Variants in KIRREL1 observed in about 807,000 individuals in gnomAD.
KIRREL1 encodes the protein kirre like nephrin family adhesion molecule 1.
Under a neutral mutation model 83.3 loss-of-function variants are expected in KIRREL1, and 25 were observed. The ratio of observed to expected loss-of-function variants is 0.30; its 90% CI spans 0.22 to 0.42. KIRREL1 has a LOEUF of 0.42. KIRREL1 is among the 10% of genes least tolerant of loss of function. The pLI is 1.00. For missense variants in KIRREL1, 812 were observed against 1,032.3 expected, an observed-to-expected ratio of 0.79 and a Z score of 2.92; for synonymous variants, 388 against 410.4, an observed-to-expected ratio of 0.95 and a Z score of 0.66.
chr1:158,066,391 A>G (rs913555637), intron 1 of KIRREL1, among the ~76,000 whole-genome samples: 2 of 152,158 alleles, frequency 1.3e-5, no homozygotes, highest in African/African-American at 4.8e-5. Flanking sequence ...ACCTGACCTT[A>G]AAACAATCTT....
intron 3 of KIRREL1, among the ~76,000 whole-genome samples, chr1:158,080,916 A>AGAC (rs147260504): frequency 0.093 from 13,624 of 146,846 alleles, 1,545 homozygotes; most frequent in East Asian, 0.23. Flanking sequence ...GGGGACCCAG[A>AGAC]GACTAGGCAG....
At chr1:158,077,899 C>A in intron 2 of KIRREL1, 92 bp from the exon 3 acceptor site, 1 of 1,424,832 alleles carries the variant, frequency 7.0e-7, no homozygotes, top group Non-Finnish European at 9.8e-7. Context: ...CAGTGGTGTC[C>A]CAGGAGAGGG....
At chr1:158,044,844 TG>T (rs903553247) in intron 1 of KIRREL1, among the ~76,000 whole-genome samples, 3 of 152,236 alleles carry the variant, frequency 2.0e-5, no homozygotes, top group African/African-American at 7.2e-5. Flanking sequence ...ATATGGCTTC[TG>T]TCAGAGAGAG....
Position 157,993,688 on chromosome 1 carries a change from C to G in KIRREL1, c.12C>G (p.Leu4=). The change falls in exon 1 of 15, where the codon CTC becomes CTG. Residue 4 remains leucine, a synonymous_variant. Transcript: ENST00000359209. The stretch of plus-strand genomic sequence containing the variant: ...GGCGGGCGGACAGCATGCTGAGCCT[C>G]CTCGTCTGGATCCTCACTCTCTCCG... MLS[L]LVWILTLSDT... 1.3e-6 allele frequency: 2 copies of G among 1,492,388 alleles called. No individual in the cohort carries two copies. The highest frequency in any genetic ancestry group is 1.8e-6 in the Non-Finnish European group (2 of 1,119,706). The allele number at this position is 1,492,388 out of a possible 1,614,324, so 92.4% of individuals were successfully genotyped here.
At chr1:158,046,429 A>G (rs759610914) in intron 1 of KIRREL1, among the ~76,000 whole-genome samples, 3 of 152,146 alleles carry the variant, frequency 2.0e-5, no homozygotes, top group Non-Finnish European at 4.4e-5. Flanking sequence ...TGAGACAGCC[A>G]AGTGGGGGTG....
At chr1:158,082,597 C>T (rs1318444535) in intron 3 of KIRREL1, among the ~76,000 whole-genome samples, 3 of 152,166 alleles carry the variant, frequency 2.0e-5, no homozygotes, top group African/African-American at 4.8e-5. Flanking sequence ...TGAGTGTTCC[C>T]TCTGCACACT....
intron 8 of KIRREL1, 91 bp from the exon 9 acceptor site, chr1:158,089,411 C>G (rs1360424349): frequency 6.3e-7 from 1 of 1,578,972 alleles, no homozygotes; most frequent in Non-Finnish European, 8.6e-7. Flanking sequence ...GCCCTTCCTG[C>G]TTTCTTTCCG....
intron 1 of KIRREL1, among the ~76,000 whole-genome samples, chr1:158,075,733 G>A (rs1661660491): frequency 6.6e-6 from 1 of 152,160 alleles, no homozygotes; most frequent in Non-Finnish European, 1.5e-5. Context: ...AGGGGCTCAG[G>A]TTCTAATCCC....
At position 158,087,751 on chromosome 1, in the gene KIRREL1, G is replaced by C. The variant is rs751148541; in HGVS notation, c.662-4G>C. On this transcript the variant is annotated splice_region_variant and splice_polypyrimidine_tract_variant and intron_variant, in intron 5 of 14. Coordinates refer to ENST00000359209, the MANE Select transcript of KIRREL1 (RefSeq NM_018240.7). ...ACCCTGACTCCCTGTGCTCTACTTT[G>C]CAGACCCTCCTACAGTGACCCTGTC... The C allele has an allele frequency of 6.2e-7, 1 of 1,611,154 alleles. No individual in the cohort carries two copies. Among genetic ancestry groups the C allele is most frequent in the African/African-American group, 1.3e-5 (1 of 74,842 alleles).
chr1:158,038,154 G>T (rs987109603), intron 1 of KIRREL1, among the ~76,000 whole-genome samples: 1 of 152,238 alleles, frequency 6.6e-6, no homozygotes, highest in Non-Finnish European at 1.5e-5. Context: ...GAGGAATAGA[G>T]GTCCGTGTGG....
chr1:158,036,727 G>A (rs1348835834), intron 1 of KIRREL1, among the ~76,000 whole-genome samples: 1 of 152,160 alleles, frequency 6.6e-6, no homozygotes, highest in Non-Finnish European at 1.5e-5. Flanking sequence ...TACAGTGAAG[G>A]GCTTGGGCTG....
intron 4 of KIRREL1, among the ~76,000 whole-genome samples, chr1:158,085,661 C>A (rs546674216): frequency 2.0e-5 from 3 of 152,330 alleles, no homozygotes; most frequent in Admixed American, 6.5e-5. Flanking sequence ...TGGCCCTCAA[C>A]TGGGCCTGTC....
chr1:158,020,745 A>G (rs1659982777), intron 1 of KIRREL1, among the ~76,000 whole-genome samples: 1 of 152,136 alleles, frequency 6.6e-6, no homozygotes, highest in Non-Finnish European at 1.5e-5. Flanking sequence ...ATCACGTAAT[A>G]TGTGCTCAGA....
chr1:158,018,522 G>A (rs891578690), intron 1 of KIRREL1, among the ~76,000 whole-genome samples: 6 of 152,190 alleles, frequency 3.9e-5, no homozygotes, highest in Non-Finnish European at 5.9e-5. Context: ...CTGTAGGGAA[G>A]CAAGGTTCTA....
chr1:158,098,746 C>T lies in KIRREL1; in HGVS notation c.*3626C>T, dbSNP rs1365034132. 1 of 152,232 alleles carries T rather than the reference C, an allele frequency of 6.6e-6. No homozygotes were observed. The highest frequency in any genetic ancestry group is 6.5e-5 in the Admixed American group (1 of 15,278). 9.4% of individuals were successfully genotyped at this position (152,232 alleles called of 1,614,324 possible). ...TGGGAGCAGTGCTGTGCTGTTATCA[C>T]TGTCTTGCTTGGAATGAAAACATCT... On this transcript the variant is annotated 3_prime_UTR_variant, in exon 15 of 15. Coordinates refer to ENST00000359209, the MANE Select transcript of KIRREL1 (RefSeq NM_018240.7).
In KIRREL1 at chr1:158,086,631, G is replaced by A; in HGVS notation, c.546G>A (p.Val182=). 3 of 1,552,096 alleles carry A rather than the reference G, an allele frequency of 1.9e-6. No individual in the cohort carries two copies. The highest frequency in any genetic ancestry group is 1.7e-6 in the Non-Finnish European group (2 of 1,147,094). The change falls in exon 5 of 15, where the codon GTG becomes GTA. Residue 182 remains valine, a synonymous_variant. Coordinates refer to ENST00000359209, the MANE Select transcript of KIRREL1 (RefSeq NM_018240.7). ...LLKDGKRETT[V]SQLLINPTDL... is the part of the protein sequence containing the mutation. ...AGGATGGGAAGAGGGAGACCACCGT[G>A]AGCCAACTGCTTATTAACCCCACGG...
intron 3 of KIRREL1, among the ~76,000 whole-genome samples, chr1:158,082,091 C>T (rs991130773): frequency 2.0e-5 from 3 of 152,110 alleles, no homozygotes; most frequent in Non-Finnish European, 4.4e-5. Context: ...CAAACCTGTC[C>T]CCATCTGGCA....
intron 1 of KIRREL1, among the ~76,000 whole-genome samples, chr1:158,004,719 G>A (rs574627282): frequency 3.3e-5 from 5 of 152,056 alleles, no homozygotes; most frequent in South Asian, 4.2e-4. Flanking sequence ...CCAGGTGGGC[G>A]CATCACTTTA....
At chr1:158,015,711 C>T (rs1367374322) in intron 1 of KIRREL1, among the ~76,000 whole-genome samples, 1 of 152,156 alleles carries the variant, frequency 6.6e-6, no homozygotes, top group Non-Finnish European at 1.5e-5. Context: ...AAATTTTCCT[C>T]TTTGCACTGA....
Sources: gnomAD v4.1 joint callset for allele counts (sites outside exome capture counted in the v4.1 genomes callset) on GRCh38, gnomAD v4.1.1 for gene constraint, MANE v1.5 for transcripts, NCBI Gene and HGNC (gene_info 2026-07-23, HGNC 2026-07-21) for gene names.